PPP2R2A: variants seen among roughly 807,000 people sequenced by gnomAD.
PPP2R2A encodes protein phosphatase 2 regulatory subunit Balpha.
PPP2R2A carries 9 observed loss-of-function variants against 53.2 expected under a neutral mutation model. The observed-to-expected ratio is 0.17, with a 90% confidence interval of 0.10 to 0.30. The LOEUF (loss-of-function observed/expected upper bound fraction) is 0.30. PPP2R2A is among the 10% of genes least tolerant of loss of function. The probability of loss-of-function intolerance (pLI) is 1.00; values close to 1 mark genes in which losing one functional copy is unlikely to be tolerated. For missense variants in PPP2R2A, 235 were observed against 534.6 expected, an observed-to-expected ratio of 0.44 and a Z score of 5.53; for synonymous variants, 169 against 174.2, an observed-to-expected ratio of 0.97 and a Z score of 0.23.
At chr8:26,364,560 C>T (rs368457285) in intron 8 of PPP2R2A, among the ~76,000 whole-genome samples, 10 of 152,214 alleles carry the variant, frequency 6.6e-5, no homozygotes, top group African/African-American at 2.4e-4. Flanking sequence ...GTGTTGAAAT[C>T]ACTTAACTCT....
intron 9 of PPP2R2A, among the ~76,000 whole-genome samples, chr8:26,368,558 G>A (rs914143412): frequency 6.6e-6 from 1 of 152,192 alleles, no homozygotes; most frequent in African/African-American, 2.4e-5. Flanking sequence ...TGCTTAAAAT[G>A]TTCTAAGTGG....
chr8:26,324,739 C>CTGTG (rs779137879), intron 2 of PPP2R2A, among the ~76,000 whole-genome samples: 2 of 152,052 alleles, frequency 1.3e-5, no homozygotes, highest in Non-Finnish European at 2.9e-5. Flanking sequence ...GCAGACAATC[C>CTGTG]ACACCAGCCT....
chr8:26,304,887 T>C (rs1348384330), intron 2 of PPP2R2A, among the ~76,000 whole-genome samples: 1 of 152,204 alleles, frequency 6.6e-6, no homozygotes, highest in African/African-American at 2.4e-5. Flanking sequence ...AACCAATTTT[T>C]AATGAAAATT....
intron 2 of PPP2R2A, among the ~76,000 whole-genome samples, chr8:26,328,428 T>C (rs1020094084): frequency 6.6e-6 from 1 of 152,188 alleles, no homozygotes; most frequent in Non-Finnish European, 1.5e-5. Flanking sequence ...AAGTATTGCC[T>C]CTTTTTAAAA....
At chr8:26,345,744 G>A (rs1187768764) in intron 3 of PPP2R2A, among the ~76,000 whole-genome samples, 1 of 152,124 alleles carries the variant, frequency 6.6e-6, no homozygotes, top group Non-Finnish European at 1.5e-5. Context: ...AAGAAAAGTA[G>A]CAACTTGGTG....
At chr8:26,369,258 A>C (rs1164547146) in intron 9 of PPP2R2A, among the ~76,000 whole-genome samples, 1 of 151,918 alleles carries the variant, frequency 6.6e-6, no homozygotes, top group Non-Finnish European at 1.5e-5. Context: ...ACAGAGTCTC[A>C]CTCTGTCACC....
chr8:26,343,353 G>A (rs1402104450), intron 3 of PPP2R2A, among the ~76,000 whole-genome samples: 1 of 151,446 alleles, frequency 6.6e-6, no homozygotes, highest in East Asian at 1.9e-4. Context: ...TGATAGCCTA[G>A]TAAATCCTGT....
At chr8:26,314,239 A>T (rs1261023070) in intron 2 of PPP2R2A, among the ~76,000 whole-genome samples, 1 of 152,130 alleles carries the variant, frequency 6.6e-6, no homozygotes, top group African/African-American at 2.4e-5. Context: ...CAGAGACTGA[A>T]TCCCCTCCTA....
rs538658833 is a variant in PPP2R2A, at chr8:26,371,507, C to T, written c.*1094C>T. 6.6e-6 allele frequency: 1 copy of T among 151,996 alleles called. No homozygotes were observed. Among genetic ancestry groups the T allele is most frequent in the Non-Finnish European group, 1.5e-5 (1 of 67,976 alleles). 9.4% of individuals were successfully genotyped at this position (151,996 alleles called of 1,614,324 possible). On this transcript the variant is annotated 3_prime_UTR_variant, in exon 10 of 10. Transcript: ENST00000380737. ...AGTGCTTAATTTCATTTTTGCCTTACTAAATAGTCAAAGACTTATAAAACA... is the reference window on the plus strand; with the variant it reads ...AGTGCTTAATTTCATTTTTGCCTTATTAAATAGTCAAAGACTTATAAAACA...
At chr8:26,361,722 G>C (rs1210546709) in intron 6 of PPP2R2A, among the ~76,000 whole-genome samples, 1 of 152,162 alleles carries the variant, frequency 6.6e-6, no homozygotes, top group Non-Finnish European at 1.5e-5. Context: ...CACTTTGGGA[G>C]GTCAAGGTGG....
chr8:26,313,590 A>G (rs760655103), intron 2 of PPP2R2A, among the ~76,000 whole-genome samples: 2 of 152,226 alleles, frequency 1.3e-5, no homozygotes, highest in Non-Finnish European at 1.5e-5. Flanking sequence ...AAGGACTTGC[A>G]GATGTGAGTA....
chr8:26,304,379 GAAGGAAATTT>G (rs1801921287), intron 2 of PPP2R2A, among the ~76,000 whole-genome samples: 1 of 151,788 alleles, frequency 6.6e-6, no homozygotes, highest in Non-Finnish European at 1.5e-5. Context: ...ACTTTAATCA[GAAGGAAATTT>G]AAGTTTTTCA....
In PPP2R2A at chr8:26,325,841, T is replaced by A. The variant is rs796527553; in HGVS notation, c.83-13049T>A. Among the ~76,000 whole-genome samples, 6 of 152,204 alleles carry A rather than the reference T, an allele frequency of 3.9e-5. No individual in the cohort carries two copies. The South Asian group carries it at 1.2e-3, about 31-fold the overall frequency. ...ACTTTACTTATTTTTATTTATTTTT[T>A]ATTATTTTTTGAGATAGGGCCTCAC... On this transcript the variant is annotated intron_variant, in intron 2 of 9. Coordinates refer to ENST00000380737, the MANE Select transcript of PPP2R2A (RefSeq NM_002717.4).
chr8:26,296,430 C>G (rs547209419), intron 2 of PPP2R2A, among the ~76,000 whole-genome samples: 12 of 152,338 alleles, frequency 7.9e-5, no homozygotes, highest in African/African-American at 2.9e-4. Flanking sequence ...TTTGCTGCTT[C>G]CACCTTGGAA....
At position 26,298,161 on chromosome 8, in the gene PPP2R2A, A is replaced by G. The variant is rs981177881; in HGVS notation, c.82+4421A>G. Reference sequence around the variant, plus strand: ...GGATGGTGGTTGTACAGATGTTTGTAAAGAGTAACCTGGACATTTTTGTTT... The same window carrying G: ...GGATGGTGGTTGTACAGATGTTTGTGAAGAGTAACCTGGACATTTTTGTTT... On this transcript the variant is annotated intron_variant, in intron 2 of 9. Coordinates refer to ENST00000380737, the MANE Select transcript of PPP2R2A (RefSeq NM_002717.4). Among the ~76,000 whole-genome samples the G allele has an allele frequency of 2.6e-5, 4 of 152,182 alleles. No individual in the cohort carries two copies. In the East Asian group the frequency reaches 5.8e-4, roughly 22 times the overall value.
At chr8:26,358,417 A>G (rs1026766015) in intron 4 of PPP2R2A, among the ~76,000 whole-genome samples, 1 of 152,220 alleles carries the variant, frequency 6.6e-6, no homozygotes, top group African/African-American at 2.4e-5. Context: ...TATAAACTAA[A>G]TAACACATAG....
rs200133988 is a variant in PPP2R2A at position 26,356,299 on chromosome 8, G to C, written c.346+1666G>C. ...GTTCTTAGAAATGCTGTTCACAAAT[G>C]CCTGATGGCCATCAGCGTTGGCCGC... On this transcript the variant is annotated intron_variant, in intron 4 of 9. Coordinates refer to ENST00000380737, the MANE Select transcript of PPP2R2A (RefSeq NM_002717.4). Among the ~76,000 whole-genome samples, 5 of 152,258 alleles carry C rather than the reference G, an allele frequency of 3.3e-5. No homozygotes were observed. The East Asian group carries it at 9.7e-4, about 29-fold the overall frequency.
At chr8:26,292,550 G>A in intron 1 of PPP2R2A, 1 of 669,970 alleles carries the variant, frequency 1.5e-6, no homozygotes, top group Non-Finnish European at 1.8e-6. Flanking sequence ...AAATAGTTGC[G>A]GAGTTCAGAG....
intron 2 of PPP2R2A, among the ~76,000 whole-genome samples, chr8:26,334,710 A>T (rs1803564630): frequency 6.6e-6 from 1 of 152,082 alleles, no homozygotes; most frequent in Middle Eastern, 3.4e-3. Context: ...GCGCCACTGC[A>T]CTCCAGCCTG....
Sources: gnomAD v4.1 joint callset for allele counts (sites outside exome capture counted in the v4.1 genomes callset) on GRCh38, gnomAD v4.1.1 for gene constraint, MANE v1.5 for transcripts, NCBI Gene and HGNC (gene_info 2026-07-23, HGNC 2026-07-21) for gene names.